Variants in NMBR observed in about 807,000 individuals in gnomAD.
The protein encoded by NMBR is neuromedin B receptor, also known as neuromedin-B receptor.
A neutral mutation model predicts 20.5 loss-of-function variants in NMBR; 16 were observed. That is an observed-to-expected ratio of 0.78 (90% CI 0.53 to 1.19). The LOEUF (loss-of-function observed/expected upper bound fraction) is 1.19. Ranked by LOEUF, NMBR falls within the 50% of genes most tolerant of loss-of-function variation. The pLI is 0.00. For missense variants in NMBR, 582 were observed against 499.1 expected (o/e 1.17, Z -1.58); for synonymous variants, 212 against 196.6 (o/e 1.08, Z -0.65).
At chr6:142,077,560 G>T (rs1776974705) in intron 3 of NMBR, among the ~76,000 whole-genome samples, 1 of 152,200 alleles carries the variant, frequency 6.6e-6, no homozygotes, top group Non-Finnish European at 1.5e-5. Flanking sequence ...ATAATTGGGT[G>T]ATTTTTTAAG....
At chr6:142,127,189 A>G (rs1778055660) in intron 1 of NMBR, among the ~76,000 whole-genome samples, 1 of 151,864 alleles carries the variant, frequency 6.6e-6, no homozygotes, top group Non-Finnish European at 1.5e-5. Flanking sequence ...ATAAAGGTCC[A>G]ATTTCATTTT....
At chr6:142,094,875 G>C (rs1384695018) in intron 1 of NMBR, among the ~76,000 whole-genome samples, 1 of 152,150 alleles carries the variant, frequency 6.6e-6, no homozygotes, top group African/African-American at 2.4e-5. Flanking sequence ...CACGTCCCTT[G>C]TAAGCTGGAT....
intron 1 of NMBR, among the ~76,000 whole-genome samples, chr6:142,126,547 C>T (rs997347207): frequency 6.6e-6 from 1 of 151,822 alleles, no homozygotes; most frequent in Non-Finnish European, 1.5e-5. Flanking sequence ...ACAAGTGCTC[C>T]CTTTTCTCTA....
intron 1 of NMBR, among the ~76,000 whole-genome samples, chr6:142,138,199 G>T (rs1182123313): frequency 1.4e-4 from 22 of 152,038 alleles, no homozygotes; most frequent in Admixed American, 1.4e-3. Context: ...ATGTATTACT[G>T]CCTTATACTG....
intron 1 of NMBR, among the ~76,000 whole-genome samples, chr6:142,145,212 G>A (rs1025983579): frequency 5.9e-5 from 9 of 152,232 alleles, no homozygotes; most frequent in Admixed American, 1.3e-4. Flanking sequence ...ATGAGAAAGA[G>A]TGGCAAAATT....
intron 1 of NMBR, among the ~76,000 whole-genome samples, chr6:142,095,397 T>C (rs1777428540): frequency 6.6e-6 from 1 of 152,242 alleles, no homozygotes; most frequent in South Asian, 2.1e-4. Context: ...CTTTTCTGCA[T>C]CTATTGAGAT....
chr6:142,083,807 C>A (rs751178228), intron 2 of NMBR, among the ~76,000 whole-genome samples: 2 of 152,156 alleles, frequency 1.3e-5, no homozygotes, highest in Admixed American at 1.3e-4. Flanking sequence ...AACTGTGAGT[C>A]AATTAAACCT....
chr6:142,146,700 ATGTT>A (rs1778444556), intron 1 of NMBR, among the ~76,000 whole-genome samples: 1 of 152,134 alleles, frequency 6.6e-6, no homozygotes, highest in Non-Finnish European at 1.5e-5. Context: ...TAAGCTTCAT[ATGTT>A]TAGCTTAATT....
chr6:142,109,476 CTTTT>C (rs77684305), intron 1 of NMBR, among the ~76,000 whole-genome samples: 3 of 108,290 alleles, frequency 2.8e-5, no homozygotes, highest in Non-Finnish European at 5.6e-5. Context: ...TTGGGTATGT[CTTTT>C]TTTTTTTTTT....
At chr6:142,146,043 A>G (rs1778426244) in intron 1 of NMBR, among the ~76,000 whole-genome samples, 1 of 152,228 alleles carries the variant, frequency 6.6e-6, no homozygotes, top group Non-Finnish European at 1.5e-5. Context: ...TGGAAAGTCC[A>G]AATAGTGGGA....
intron 1 of NMBR, among the ~76,000 whole-genome samples, chr6:142,110,158 G>C (rs1235481427): frequency 6.6e-6 from 1 of 152,024 alleles, no homozygotes; most frequent in Non-Finnish European, 1.5e-5. Context: ...TTGAAAAACA[G>C]TCTGGCCATT....
At chr6:142,101,779 A>C (rs1202043074) in intron 1 of NMBR, among the ~76,000 whole-genome samples, 1 of 152,118 alleles carries the variant, frequency 6.6e-6, no homozygotes, top group Non-Finnish European at 1.5e-5. Context: ...AGAATGACCA[A>C]AACTTCAGGC....
Position 142,141,093 on chromosome 6 carries a change from A to G in NMBR, c.-664+5951T>C, listed in dbSNP as rs563407494. On this transcript the variant is annotated intron_variant, in intron 1 of 3. Coordinates refer to ENST00000258042, the MANE Select transcript of NMBR (RefSeq NM_002511.4). ...AAGCAACTTGAACTAATTGATATTT[A>G]TAGAATACTCCACCCAGCAACAACA... is the stretch of plus-strand genomic sequence containing the variant. 2.6e-5 allele frequency among the ~76,000 whole-genome samples: 4 copies of G among 152,374 alleles called. No individual in the cohort carries two copies. The East Asian group carries it at 7.7e-4, about 29-fold the overall frequency.
At chr6:142,087,574 A>T (rs1777222788) in intron 2 of NMBR, among the ~76,000 whole-genome samples, 1 of 152,192 alleles carries the variant, frequency 6.6e-6, no homozygotes. Context: ...TCACACCCTT[A>T]ACATATGTCA....
intron 1 of NMBR, among the ~76,000 whole-genome samples, chr6:142,099,580 T>G (rs1457796954): frequency 6.6e-6 from 1 of 152,138 alleles, no homozygotes; most frequent in African/African-American, 2.4e-5. Context: ...ATGTGCAGAT[T>G]GCAATTGGAG....
intron 1 of NMBR, among the ~76,000 whole-genome samples, chr6:142,128,600 G>A (rs1198009020): frequency 6.6e-6 from 1 of 152,012 alleles, no homozygotes; most frequent in South Asian, 2.1e-4. Context: ...TTTGTCAAAT[G>A]ATCTTTCTGC....
intron 3 of NMBR, among the ~76,000 whole-genome samples, chr6:142,077,331 C>CA (rs546091565): frequency 4.0e-4 from 61 of 152,236 alleles, no homozygotes; most frequent in African/African-American, 1.4e-3. Context: ...AAAAGTGAAG[C>CA]AAGGGCTCTG....
intron 1 of NMBR, among the ~76,000 whole-genome samples, chr6:142,101,312 T>C (rs1408730158): frequency 6.6e-6 from 1 of 152,150 alleles, no homozygotes; most frequent in Non-Finnish European, 1.5e-5. Flanking sequence ...TTAAAATATA[T>C]AAGGAAACAG....
At chr6:142,095,321 C>A (rs990410480) in intron 1 of NMBR, among the ~76,000 whole-genome samples, 1 of 152,104 alleles carries the variant, frequency 6.6e-6, no homozygotes, top group Non-Finnish European at 1.5e-5. Flanking sequence ...TTTGGAGATA[C>A]GTCCCATCAA....
Sources: gnomAD v4.1 joint callset for allele counts (sites outside exome capture counted in the v4.1 genomes callset) on GRCh38, gnomAD v4.1.1 for gene constraint, MANE v1.5 for transcripts, NCBI Gene and HGNC (gene_info 2026-07-23, HGNC 2026-07-21) for gene names.